SLC16A7: variants seen among roughly 807,000 people sequenced by gnomAD.
SLC16A7 encodes monocarboxylate transporter 2.
In SLC16A7, 33 loss-of-function variants were observed where a neutral mutation model predicts 34.9. The observed-to-expected ratio is 0.94, with a 90% confidence interval of 0.72 to 1.26. The LOEUF (loss-of-function observed/expected upper bound fraction) is 1.26, where lower values mean the gene tolerates loss of function less well. SLC16A7 is among the 50% of genes most tolerant of loss of function. SLC16A7 has a pLI of 0.00. For synonymous variants in SLC16A7, 201 were observed against 206.6 expected (o/e 0.97, Z 0.23); for missense variants, 573 against 578.1 (o/e 0.99, Z 0.09).
At position 59,638,088 on chromosome 12, in the gene SLC16A7, T is replaced by C. The variant is rs190267700; in HGVS notation, c.-129-17064T>C. Among the ~76,000 whole-genome samples the C allele has an allele frequency of 2.6e-5, 4 of 152,228 alleles. No individual in the cohort carries two copies. In the East Asian group the frequency reaches 7.8e-4, roughly 30 times the overall value. ...AGTACAAAATGAGCTAAGATTCATTTTGTAAGCTGTCTATTCGATAAAGAA... is the reference window on the plus strand; with the variant it reads ...AGTACAAAATGAGCTAAGATTCATTCTGTAAGCTGTCTATTCGATAAAGAA... On this transcript the variant is annotated intron_variant, in intron 1 of 5. Coordinates refer to ENST00000547379, the MANE Select transcript of SLC16A7 (RefSeq NM_001270623.2).
At chr12:59,733,918 G>A (rs1877270639) in intron 3 of SLC16A7, 1 of 437,102 alleles carries the variant, frequency 2.3e-6, no homozygotes, top group African/African-American at 2.0e-5. Context: ...TGGTAATCCT[G>A]ACGTCTGTGT....
chr12:59,741,889 T>C (rs4405356), intron 3 of SLC16A7, among the ~76,000 whole-genome samples: 93,009 of 152,034 alleles, frequency 0.61, 29,101 homozygotes, highest in African/African-American at 0.76. Flanking sequence ...CCTGCCTCCC[T>C]AGAAGAAATA....
chr12:59,763,560 A>G (rs1165115024), intron 3 of SLC16A7, among the ~76,000 whole-genome samples: 3 of 152,150 alleles, frequency 2.0e-5, no homozygotes, highest in Non-Finnish European at 2.9e-5. Context: ...AAAAATGAAA[A>G]TAACTATACT....
rs143274897 is a variant in SLC16A7 at position 59,670,303 on chromosome 12, C to T, written c.-31+15053C>T. Among the ~76,000 whole-genome samples the T allele has an allele frequency of 3.0e-4, 45 of 152,272 alleles. No homozygotes were observed. The South Asian group carries it at 5.8e-3, about 20-fold the overall frequency. On this transcript the variant is annotated intron_variant, in intron 2 of 5. Coordinates refer to ENST00000547379, the MANE Select transcript of SLC16A7 (RefSeq NM_001270623.2). ...ACCTCATCTTAACTAACTGCATCTG[C>T]GTTGGCCTTATTTACAAATAAGGTC...
intron 3 of SLC16A7, among the ~76,000 whole-genome samples, chr12:59,731,999 T>A (rs1877003286): frequency 6.6e-6 from 1 of 152,028 alleles, no homozygotes; most frequent in African/African-American, 2.4e-5. Flanking sequence ...TTGCTGTGAG[T>A]GGTTGAATGG....
Position 59,704,763 on chromosome 12 carries a change from T to G in SLC16A7, c.-30-9T>G. On this transcript the variant is annotated splice_polypyrimidine_tract_variant and intron_variant, in intron 2 of 5. Coordinates refer to ENST00000547379, the MANE Select transcript of SLC16A7 (RefSeq NM_001270623.2). ...AAATTTAAACTGTTATTTCATTATT[T>G]TAATATAGGTTACTTGAATTTCCAC... 2.9e-6 allele frequency: 4 copies of G among 1,374,584 alleles called. No homozygotes were observed. The highest frequency in any genetic ancestry group is 4.1e-6 in the Non-Finnish European group (4 of 978,550). The allele number at this position is 1,374,584 out of a possible 1,614,324, so 85.1% of individuals were successfully genotyped here.
At chr12:59,746,895 C>T (rs570801357) in intron 3 of SLC16A7, among the ~76,000 whole-genome samples, 4 of 152,076 alleles carry the variant, frequency 2.6e-5, no homozygotes, top group African/African-American at 4.8e-5. Flanking sequence ...AGTGTAGTGA[C>T]GATCATAGCT....
intron 3 of SLC16A7, among the ~76,000 whole-genome samples, chr12:59,741,332 A>C (rs1878312517): frequency 6.6e-6 from 1 of 152,202 alleles, no homozygotes; most frequent in African/African-American, 2.4e-5. Context: ...CACTTTGAGA[A>C]ACCTTACCCA....
Position 59,704,854 on chromosome 12 carries a change from G to C in SLC16A7, c.53G>C (p.Trp18Ser). ...PPVHPPPDGG[W>S]GWIVVGAAFI... is the part of the protein sequence containing the mutation. ...GTGCATCCACCTCCAGATGGAGGATGGGGTTGGATTGTGGTTGGAGCAGCT... is the reference window on the plus strand; with the variant it reads ...GTGCATCCACCTCCAGATGGAGGATCGGGTTGGATTGTGGTTGGAGCAGCT... Residue 18 changes from tryptophan (W) to serine (S), a missense_variant, in exon 3 of 6, where the codon TGG becomes TCG. Coordinates refer to ENST00000547379, the MANE Select transcript of SLC16A7 (RefSeq NM_001270623.2). The C allele has an allele frequency of 6.2e-7, 1 of 1,613,894 alleles. No homozygotes were observed. The highest frequency in any genetic ancestry group is 8.5e-7 in the Non-Finnish European group (1 of 1,179,878).
Position 59,779,593 on chromosome 12 carries a change from T to C in SLC16A7, c.1351T>C (p.Leu451=), listed in dbSNP as rs1335209851. Residue 451 remains leucine (L), a synonymous_variant, in exon 6 of 6, where the codon TTG becomes CTG. Coordinates refer to ENST00000547379, the MANE Select transcript of SLC16A7 (RefSeq NM_001270623.2). ...ARQKTRESEP[L]SKSKHSEDVN... is the part of the protein sequence containing the mutation. ...GCAGAAGACCAGAGAATCTGAACCC[T>C]TGAGCAAATCTAAACATTCGGAAGA... 1.2e-6 allele frequency: 2 copies of C among 1,612,070 alleles called. No homozygotes were observed. The highest frequency in any genetic ancestry group is 1.7e-6 in the Non-Finnish European group (2 of 1,178,714).
rs550393548 is a variant in SLC16A7, at chr12:59,626,138, T to C, written c.-129-29014T>C. On this transcript the variant is annotated intron_variant, in intron 1 of 5. Coordinates refer to ENST00000547379, the MANE Select transcript of SLC16A7 (RefSeq NM_001270623.2). ...ACAGATTATAAAAGTAAAATCATCATATTATAGAAAATAATCTTAATTTTT... is the reference window on the plus strand; with the variant it reads ...ACAGATTATAAAAGTAAAATCATCACATTATAGAAAATAATCTTAATTTTT... 9.2e-5 allele frequency among the ~76,000 whole-genome samples: 14 copies of C among 151,922 alleles called. No individual in the cohort carries two copies. The South Asian group carries it at 2.9e-3, about 31-fold the overall frequency.
rs182192840 is a variant in SLC16A7, at chr12:59,676,803, A to G, written c.-31+21553A>G. 2.1e-3 allele frequency among the ~76,000 whole-genome samples: 317 copies of G among 152,256 alleles called. 1 individual carries two copies. The highest frequency in any genetic ancestry group is 3.5e-3 in the Admixed American group (53 of 15,290). On this transcript the variant is annotated intron_variant, in intron 2 of 5. Transcript: ENST00000547379. ...CATATTTTTATTTTAAGTTTCCTAT[A>G]TAATTTATACTTTCTACTTATGCAA...
chr12:59,619,479 C>T (rs1166615539), intron 1 of SLC16A7, among the ~76,000 whole-genome samples: 1 of 152,004 alleles, frequency 6.6e-6, no homozygotes, highest in African/African-American at 2.4e-5. Flanking sequence ...TTAATATTAT[C>T]TTGAGAGGGA....
chr12:59,739,657 C>A (rs1430645283), intron 3 of SLC16A7, among the ~76,000 whole-genome samples: 1 of 151,492 alleles, frequency 6.6e-6, no homozygotes, highest in Non-Finnish European at 1.5e-5. Context: ...TACAGTCCCA[C>A]CAACAGTGTA....
intron 1 of SLC16A7, among the ~76,000 whole-genome samples, chr12:59,598,754 T>C (rs1263060444): frequency 6.6e-6 from 1 of 152,200 alleles, no homozygotes; most frequent in Admixed American, 6.5e-5. Context: ...TGATTTCCAT[T>C]ATTTGAGAGA....
intron 5 of SLC16A7, among the ~76,000 whole-genome samples, chr12:59,775,881 A>AT (rs142814703): frequency 0.018 from 2,740 of 152,248 alleles, 85 homozygotes; most frequent in African/African-American, 0.062. Flanking sequence ...GTCAGAATCT[A>AT]TTTTTTAGTT....
At chr12:59,668,183 G>T (rs1565638389) in intron 2 of SLC16A7, among the ~76,000 whole-genome samples, 1 of 152,148 alleles carries the variant, frequency 6.6e-6, no homozygotes, top group South Asian at 2.1e-4. Context: ...GTCCCCACTG[G>T]GGCACCATCT....
At chr12:59,715,171 A>G (rs1712981919) in intron 3 of SLC16A7, among the ~76,000 whole-genome samples, 1 of 152,220 alleles carries the variant, frequency 6.6e-6, no homozygotes, top group African/African-American at 2.4e-5. Flanking sequence ...AGTTGCCACA[A>G]ACACTGAATG....
intron 2 of SLC16A7, among the ~76,000 whole-genome samples, chr12:59,667,170 A>G (rs774056774): frequency 6.6e-6 from 1 of 152,170 alleles, no homozygotes; most frequent in Non-Finnish European, 1.5e-5. Context: ...CCATGATTCC[A>G]TTACCTTCCC....
Sources: gnomAD v4.1 joint callset for allele counts (sites outside exome capture counted in the v4.1 genomes callset) on GRCh38, gnomAD v4.1.1 for gene constraint, MANE v1.5 for transcripts, NCBI Gene and HGNC (gene_info 2026-07-23, HGNC 2026-07-21) for gene names.